PHACTR1: variants seen among roughly 807,000 people sequenced by gnomAD.
PHACTR1 encodes the protein RPEL repeat containing 1.
PHACTR1 carries 16 observed loss-of-function variants against 69.2 expected under a neutral mutation model. The ratio of observed to expected loss-of-function variants is 0.23; its 90% CI spans 0.16 to 0.35. PHACTR1 has a LOEUF of 0.35. Ranked by LOEUF, PHACTR1 falls within the 10% of genes least tolerant of loss-of-function variation. The pLI, the probability that PHACTR1 is intolerant of heterozygous loss-of-function variation, is 1.00. For synonymous variants in PHACTR1, 312 were observed against 284.5 expected (o/e 1.10, Z -0.97); for missense variants, 510 against 734.7 (o/e 0.69, Z 3.54).
intron 4 of PHACTR1, among the ~76,000 whole-genome samples, chr6:12,802,843 T>C (rs1335187195): frequency 1.3e-5 from 2 of 152,242 alleles, no homozygotes; most frequent in South Asian, 2.1e-4. Context: ...TCTATCATTT[T>C]ATTCCGAGAG....
chr6:13,251,258 G>A (rs927665565), intron 10 of PHACTR1, among the ~76,000 whole-genome samples: 3 of 152,216 alleles, frequency 2.0e-5, no homozygotes, highest in Non-Finnish European at 2.9e-5. Context: ...TCCTAGAAGG[G>A]GGAGATGGCT....
At chr6:12,948,865 C>G (rs1024654737) in intron 4 of PHACTR1, among the ~76,000 whole-genome samples, 1 of 152,136 alleles carries the variant, frequency 6.6e-6, no homozygotes, top group South Asian at 2.1e-4. Flanking sequence ...GCATTTATAG[C>G]TGTTTTTCTT....
At chr6:12,930,377 T>C (rs1322814925) in intron 4 of PHACTR1, among the ~76,000 whole-genome samples, 1 of 152,120 alleles carries the variant, frequency 6.6e-6, no homozygotes, top group Non-Finnish European at 1.5e-5. Context: ...GAGAACCTCT[T>C]TGGGGATACA....
intron 6 of PHACTR1, among the ~76,000 whole-genome samples, chr6:13,163,613 G>T (rs1473601245): frequency 2.0e-5 from 3 of 152,140 alleles, no homozygotes; most frequent in African/African-American, 7.2e-5. Flanking sequence ...GGGATTTTCT[G>T]ATAAAAGCAC....
intron 5 of PHACTR1, among the ~76,000 whole-genome samples, chr6:13,085,270 C>G (rs759625220): frequency 3.6e-4 from 54 of 151,870 alleles, no homozygotes; most frequent in Admixed American, 1.8e-3. Context: ...CTAAACTCCA[C>G]TACTAAATCT....
chr6:12,735,697 A>G (rs551272171), intron 3 of PHACTR1, among the ~76,000 whole-genome samples: 4 of 152,236 alleles, frequency 2.6e-5, no homozygotes, highest in Admixed American at 2.6e-4. Context: ...CACACTTTAA[A>G]GAAGAGTTAG....
chr6:12,924,760 G>A (rs1418753909), intron 4 of PHACTR1, among the ~76,000 whole-genome samples: 2 of 146,852 alleles, frequency 1.4e-5, no homozygotes, highest in South Asian at 2.2e-4. Context: ...GGGCGACAGA[G>A]CGAGACTCTG....
intron 5 of PHACTR1, among the ~76,000 whole-genome samples, chr6:13,158,812 GCTTT>G (rs1399800664): frequency 6.6e-6 from 1 of 152,220 alleles, no homozygotes; most frequent in Non-Finnish European, 1.5e-5. Flanking sequence ...CTTGTTGCTT[GCTTT>G]CTTTCTAGTT....
intron 5 of PHACTR1, among the ~76,000 whole-genome samples, chr6:13,063,280 A>G (rs1380136485): frequency 6.6e-6 from 1 of 152,218 alleles, no homozygotes; most frequent in African/African-American, 2.4e-5. Flanking sequence ...GCAGAAGTGA[A>G]GTGATAAGAG....
intron 10 of PHACTR1, chr6:13,266,655 A>AG (rs1776757074): frequency 6.6e-6 from 1 of 152,602 alleles, no homozygotes; most frequent in Non-Finnish European, 1.5e-5. Context: ...TGGAAAACAG[A>AG]GGGAAAGCAA....
intron 4 of PHACTR1, among the ~76,000 whole-genome samples, chr6:13,030,770 A>T (rs1802348863): frequency 6.6e-6 from 1 of 152,264 alleles, no homozygotes; most frequent in Admixed American, 6.5e-5. Context: ...ACGTGCTGAG[A>T]CAATGATCAT....
At chr6:13,017,932 A>G (rs1263408007) in intron 4 of PHACTR1, among the ~76,000 whole-genome samples, 1 of 152,204 alleles carries the variant, frequency 6.6e-6, no homozygotes, top group Non-Finnish European at 1.5e-5. Context: ...GTAATTTATC[A>G]GTAGATCACA....
chr6:13,011,430 C>T (rs1799436843), intron 4 of PHACTR1, among the ~76,000 whole-genome samples: 1 of 152,200 alleles, frequency 6.6e-6, no homozygotes, highest in African/African-American at 2.4e-5. Context: ...ATGACTCTCC[C>T]AGGTAAACTT....
intron 11 of PHACTR1, among the ~76,000 whole-genome samples, chr6:13,276,398 G>A (rs1778919278): frequency 6.6e-6 from 1 of 152,230 alleles, no homozygotes; most frequent in Non-Finnish European, 1.5e-5. Context: ...GGGAGGTATA[G>A]TCACCTTGAG....
intron 6 of PHACTR1, among the ~76,000 whole-genome samples, chr6:13,163,635 C>T (rs894485985): frequency 1.3e-5 from 2 of 152,162 alleles, no homozygotes; most frequent in African/African-American, 4.8e-5. Flanking sequence ...CATTTTGTAT[C>T]TCTGTGGATA....
chr6:12,805,611 C>CT (rs1216399730), intron 4 of PHACTR1, among the ~76,000 whole-genome samples: 2 of 150,554 alleles, frequency 1.3e-5, no homozygotes, highest in South Asian at 2.1e-4. Context: ...TTCTTTCTTT[C>CT]TTTTTTTTGG....
intron 5 of PHACTR1, among the ~76,000 whole-genome samples, chr6:13,094,426 C>T (rs1280249194): frequency 6.6e-6 from 1 of 151,970 alleles, no homozygotes; most frequent in Non-Finnish European, 1.5e-5. Flanking sequence ...TCCTGAGTAG[C>T]TGGGATTACA....
At chr6:13,012,922 T>A (rs1370196067) in intron 4 of PHACTR1, among the ~76,000 whole-genome samples, 7 of 152,332 alleles carry the variant, frequency 4.6e-5, no homozygotes, top group African/African-American at 1.7e-4. Flanking sequence ...CTCCCTGCAA[T>A]GCCAGCTACT....
intron 7 of PHACTR1, among the ~76,000 whole-genome samples, chr6:13,195,869 A>C (rs1413839315): frequency 6.6e-6 from 1 of 152,036 alleles, no homozygotes; most frequent in Non-Finnish European, 1.5e-5. Context: ...ATACGGCACA[A>C]GGACCAACTT....
Sources: allele counts gnomAD v4.1 joint callset (sites outside exome capture counted in the v4.1 genomes callset), GRCh38; gene constraint gnomAD v4.1.1; transcripts MANE v1.5; gene names NCBI Gene and HGNC (gene_info 2026-07-23, HGNC 2026-07-21).